RYR2: variants seen among roughly 807,000 people sequenced by gnomAD.
RYR2 encodes ryanodine receptor 2.
RYR2 carries 227 observed loss-of-function variants against 601.1 expected under a neutral mutation model. The observed-to-expected ratio is 0.38, with a 90% CI of 0.34 to 0.42. RYR2 has a LOEUF of 0.42. Ranked by LOEUF, RYR2 falls within the 10% of genes least tolerant of loss-of-function variation. RYR2 has a pLI of 1.00. For missense variants in RYR2, 4,646 were observed against 6,156.5 expected, an observed-to-expected ratio of 0.75 and a Z score of 8.21; for synonymous variants, 2,223 against 2,175.1, an observed-to-expected ratio of 1.02 and a Z score of -0.61.
intron 65 of RYR2, among the ~76,000 whole-genome samples, chr1:237,701,250 T>C (rs1055596502): frequency 6.6e-5 from 10 of 152,294 alleles, no homozygotes; most frequent in Non-Finnish European, 1.5e-4. Flanking sequence ...GCATGCTTAG[T>C]CCGGGTGCAG....
intron 38 of RYR2, among the ~76,000 whole-genome samples, chr1:237,621,461 A>C (rs1267110065): frequency 6.6e-6 from 1 of 152,178 alleles, no homozygotes; most frequent in African/African-American, 2.4e-5. Context: ...AAATGGATCC[A>C]AAAGCTGGTT....
rs71180022 is a variant in RYR2, at chr1:237,395,533, C to CTT, written c.773+7380_773+7381dup. Among the ~76,000 whole-genome samples the CTT allele has an allele frequency of 2.3e-3, 204 of 87,410 alleles. 6 individuals are homozygous for CTT. Among genetic ancestry groups the CTT allele is most frequent in the Middle Eastern group, 7.5e-3 (1 of 134 alleles). 57.3% of individuals were successfully genotyped at this position (87,410 alleles called of 152,430 possible). A position where few individuals can be genotyped will look rare whatever the true frequency, so the allele number is the denominator to read the frequency against. On this transcript the variant is annotated intron_variant, in intron 10 of 104. Coordinates refer to ENST00000366574, the MANE Select transcript of RYR2 (RefSeq NM_001035.3). ...AGGACACGTCCGCTAGTAGGACTGT[C>CTT]TTTTTTTTTTTTTTTTTTTTTTTTT... is the stretch of plus-strand genomic sequence containing the variant.
intron 1 of RYR2, among the ~76,000 whole-genome samples, chr1:237,260,603 T>C (rs1354592786): frequency 6.6e-6 from 1 of 152,090 alleles, no homozygotes. Flanking sequence ...GAGACCAAGG[T>C]GGGCAGATCG....
chr1:237,299,056 T>C (rs999685734), intron 2 of RYR2, among the ~76,000 whole-genome samples: 1 of 152,038 alleles, frequency 6.6e-6, no homozygotes, highest in Non-Finnish European at 1.5e-5. Flanking sequence ...TGTTAAATTA[T>C]TCAACACATA....
At chr1:237,415,115 GC>G (rs1704837184) in intron 10 of RYR2, among the ~76,000 whole-genome samples, 1 of 152,186 alleles carries the variant, frequency 6.6e-6, no homozygotes, top group Non-Finnish European at 1.5e-5. Flanking sequence ...GAATCACGCA[GC>G]CCCAAACATC....
chr1:237,555,171 T>C (rs1213844739), intron 27 of RYR2: 1 of 152,126 alleles, frequency 6.6e-6, no homozygotes, highest in Non-Finnish European at 1.5e-5. Flanking sequence ...AAATGTACTT[T>C]CTAATCAACA....
rs1064794183 is a variant in RYR2 at position 237,631,492 on chromosome 1, A to G, written c.6506A>G (p.Glu2169Gly). The G allele has an allele frequency of 1.2e-6, 2 of 1,613,726 alleles. No homozygotes were observed. The highest frequency in any genetic ancestry group is 1.7e-6 in the Non-Finnish European group (2 of 1,179,850). ...CTCATGAGGGCACTGGGGATGCACG[A>G]GACTGTGATGGAGGTCATGGTGAAC... Reference protein sequence around the residue: ...PNLMRALGMHETVMEVMVNVL... With the variant: ...PNLMRALGMHGTVMEVMVNVL... The change falls in exon 42 of 105, where the codon GAG (glutamate) becomes GGG (glycine). Residue 2169 changes from glutamate to glycine, a missense_variant. Physicochemically the swap from Glu to Gly is moderately conservative, Grantham distance 98. Coordinates refer to ENST00000366574, the MANE Select transcript of RYR2 (RefSeq NM_001035.3).
At chr1:237,065,836 A>G (rs1663537156) in intron 1 of RYR2, among the ~76,000 whole-genome samples, 1 of 152,220 alleles carries the variant, frequency 6.6e-6, no homozygotes. Context: ...GAAACTTTCA[A>G]TCATGGTGGA....
intron 73 of RYR2, among the ~76,000 whole-genome samples, chr1:237,719,880 C>T (rs1689573274): frequency 6.6e-6 from 1 of 152,086 alleles, no homozygotes; most frequent in Admixed American, 6.5e-5. Context: ...ATTACATTTC[C>T]ACATGAGATT....
chr1:237,582,519 A>G (rs1257201015), intron 29 of RYR2, among the ~76,000 whole-genome samples: 1 of 152,210 alleles, frequency 6.6e-6, no homozygotes, highest in East Asian at 1.9e-4. Flanking sequence ...TTGTAGTACA[A>G]TTGATACTTT....
At chr1:237,743,666 C>T (rs766807228) in intron 80 of RYR2, 22 of 513,926 alleles carry the variant, frequency 4.3e-5, no homozygotes, top group East Asian at 1.1e-4. Flanking sequence ...GTCTGAGTTT[C>T]GGTTTCTTGT....
chr1:237,724,184 CATATATATATAT>C (rs35705894), intron 74 of RYR2, among the ~76,000 whole-genome samples: 67,467 of 136,920 alleles, frequency 0.49, 18,899 homozygotes, highest in Middle Eastern at 0.64. Context: ...TGTGTGTGTG[CATATATATATAT>C]ATATATATAT....
rs542774532 is a variant in RYR2 at position 237,277,966 on chromosome 1, A to C, written c.168+7350A>C. Among the ~76,000 whole-genome samples, 6 of 152,344 alleles carry C rather than the reference A, an allele frequency of 3.9e-5. No homozygotes were observed. In the East Asian group the frequency reaches 1.2e-3, roughly 29 times the overall value. On this transcript the variant is annotated intron_variant, in intron 2 of 104. Transcript: ENST00000366574. ...TTTATTATGTTTTTATCATGTATAC[A>C]TGTGCTAATAAATTAATTTCCTATA... is the stretch of plus-strand genomic sequence containing the variant.
At chr1:237,580,202 C>A (rs927978765) in intron 29 of RYR2, among the ~76,000 whole-genome samples, 1 of 135,930 alleles carries the variant, frequency 7.4e-6, no homozygotes, top group East Asian at 2.5e-4. Flanking sequence ...GTTGCCCAGG[C>A]TTGAGTGCAA....
chr1:237,044,220 A>G (rs1454666720), intron 1 of RYR2, among the ~76,000 whole-genome samples: 1 of 151,364 alleles, frequency 6.6e-6, no homozygotes, highest in African/African-American at 2.4e-5. Flanking sequence ...ACCACATTAG[A>G]TTTTTCTCAA....
intron 80 of RYR2, among the ~76,000 whole-genome samples, chr1:237,750,580 A>G (rs1473956457): frequency 6.6e-6 from 1 of 151,118 alleles, no homozygotes; most frequent in Non-Finnish European, 1.5e-5. Context: ...TATGTAATAT[A>G]TAAAACATTG....
intron 29 of RYR2, among the ~76,000 whole-genome samples, chr1:237,585,306 C>T (rs1229510870): frequency 1.3e-5 from 2 of 152,116 alleles, no homozygotes; most frequent in Non-Finnish European, 1.5e-5. Flanking sequence ...ATTTTGGTTT[C>T]CTCATGTGGA....
intron 10 of RYR2, among the ~76,000 whole-genome samples, chr1:237,401,790 G>A (rs554092258): frequency 3.9e-4 from 60 of 151,940 alleles, no homozygotes; most frequent in Non-Finnish European, 5.0e-4. Flanking sequence ...CCCTTTAATC[G>A]TGTGGTTTAT....
At chr1:237,549,359 G>C (rs909772012) in intron 26 of RYR2, among the ~76,000 whole-genome samples, 1 of 152,146 alleles carries the variant, frequency 6.6e-6, no homozygotes, top group Non-Finnish European at 1.5e-5. Flanking sequence ...AGGACTGCTT[G>C]AGCCTGGGAG....
Sources: allele counts gnomAD v4.1 joint callset (sites outside exome capture counted in the v4.1 genomes callset), GRCh38; gene constraint gnomAD v4.1.1; transcripts MANE v1.5; gene names NCBI Gene and HGNC (gene_info 2026-07-23, HGNC 2026-07-21).